The following RILPL2 variants were observed in gnomAD, a reference collection of about 807,000 sequenced individuals.
The protein encoded by RILPL2 is Rab interacting lysosomal protein like 2.
Under a neutral mutation model 22.2 loss-of-function variants are expected in RILPL2, and 19 were observed. That is an observed-to-expected ratio of 0.86 (90% confidence interval 0.60 to 1.25). The LOEUF is 1.25. RILPL2 is among the 50% of genes most tolerant of loss of function. RILPL2 has a pLI of 0.00. For missense variants in RILPL2, 243 were observed against 263.6 expected (o/e 0.92, Z 0.54); for synonymous variants, 123 against 111.6 (o/e 1.10, Z -0.64).
intron 3 of RILPL2, among the ~76,000 whole-genome samples, chr12:123,420,148 C>T (rs970222814): frequency 6.6e-6 from 1 of 151,856 alleles, no homozygotes; most frequent in African/African-American, 2.4e-5. Context: ...CCTCAGCCTC[C>T]TGAGTAGCTG....
At position 123,436,593 on chromosome 12, in the gene RILPL2, G is replaced by C; in HGVS notation, c.-173C>G. ...CAAGGGGCCGCGCACGCGACTCTTG[G>C]GCCTGCGCCCCGGCGCACCGTCCCC... On this transcript the variant is annotated 5_prime_UTR_variant, in exon 1 of 4. Coordinates refer to ENST00000280571, the MANE Select transcript of RILPL2 (RefSeq NM_145058.3). This position sits in a 1 kb window ranked among gnomAD's most constrained non-coding sequence, Gnocchi z 6.7. 9.2e-7 allele frequency: 1 copy of C among 1,084,776 alleles called. No individual in the cohort carries two copies. The highest frequency in any genetic ancestry group is 1.3e-6 in the Non-Finnish European group (1 of 781,650). 67.2% of individuals were successfully genotyped at this position (1,084,776 alleles called of 1,614,324 possible).
chr12:123,422,177 A>T (rs1390624744), intron 3 of RILPL2, among the ~76,000 whole-genome samples: 1 of 151,518 alleles, frequency 6.6e-6, no homozygotes, highest in Admixed American at 6.6e-5. Context: ...ACGCCCAGCT[A>T]ATTTCACTTG....
At chr12:123,417,919 A>G (rs954647788) in intron 3 of RILPL2, among the ~76,000 whole-genome samples, 4 of 150,238 alleles carry the variant, frequency 2.7e-5, no homozygotes, top group Admixed American at 6.7e-5. Flanking sequence ...AAGCTCTTAC[A>G]CTTACTGTCC....
At chr12:123,420,033 T>C (rs959897072) in intron 3 of RILPL2, among the ~76,000 whole-genome samples, 1 of 145,110 alleles carries the variant, frequency 6.9e-6, no homozygotes, top group Non-Finnish European at 1.5e-5. Context: ...TTTTTTTTTT[T>C]TTTTTTTTTG....
intron 3 of RILPL2, among the ~76,000 whole-genome samples, chr12:123,418,875 C>T (rs1266752934): frequency 4.0e-5 from 6 of 150,320 alleles, no homozygotes; most frequent in Non-Finnish European, 7.4e-5. Flanking sequence ...ATTCTCTTGC[C>T]TCAGCCTCTT....
At chr12:123,432,863 T>C in intron 1 of RILPL2, among the ~76,000 whole-genome samples, 1 of 152,176 alleles carries the variant, frequency 6.6e-6, no homozygotes, top group African/African-American at 2.4e-5. Context: ...CACTTAACCA[T>C]GTCACTTGAC....
At chr12:123,426,587 T>TG (rs1398445903) in intron 2 of RILPL2, among the ~76,000 whole-genome samples, 1 of 152,154 alleles carries the variant, frequency 6.6e-6, no homozygotes, top group Non-Finnish European at 1.5e-5. Flanking sequence ...TCTCCAATGA[T>TG]GACTCTTTCT....
At position 123,415,572 on chromosome 12, in the gene RILPL2, A is replaced by T; in HGVS notation, c.*319T>A. On this transcript the variant is annotated 3_prime_UTR_variant, in exon 4 of 4. Transcript: ENST00000280571. ...GGGTCATCCGTGGGAGCAGATGAGT[A>T]GGACACGCGTCTGCACGCTGGAGGC... 2.5e-6 allele frequency: 1 copy of T among 394,998 alleles called. No individual in the cohort carries two copies. Among genetic ancestry groups the T allele is most frequent in the East Asian group, 4.3e-5 (1 of 23,436 alleles). 24.5% of individuals were successfully genotyped at this position (394,998 alleles called of 1,614,324 possible). A position where few individuals can be genotyped will look rare whatever the true frequency, so the allele number is the denominator to read the frequency against.
At chr12:123,420,974 G>A (rs1879266651) in intron 3 of RILPL2, among the ~76,000 whole-genome samples, 1 of 151,958 alleles carries the variant, frequency 6.6e-6, no homozygotes, top group African/African-American at 2.4e-5. Flanking sequence ...CAGATCTCCT[G>A]AGTAGATGTT....
In RILPL2 at chr12:123,415,938, G is replaced by C. The variant is rs904857939; in HGVS notation, c.606-17C>G. On this transcript the variant is annotated splice_polypyrimidine_tract_variant and intron_variant, in intron 3 of 3. Transcript: ENST00000280571. ...AAAAAGAACCTGGTGTGGAGAGAGA[G>C]AGGGTTCAGGGTAAGCAGAAGGAAC... The C allele has an allele frequency of 1.2e-6, 2 of 1,613,966 alleles. No individual in the cohort carries two copies. Among genetic ancestry groups the C allele is most frequent in the South Asian group, 1.1e-5 (1 of 91,088 alleles).
rs542489077 is a variant in RILPL2 at position 123,423,288 on chromosome 12, G to C, written c.492-131C>G. The C allele has an allele frequency of 8.5e-5, 48 of 562,992 alleles. No homozygotes were observed. In the African/African-American group the frequency reaches 9.4e-4, roughly 11 times the overall value. The allele number at this position is 562,992 out of a possible 1,614,324, so 34.9% of individuals were successfully genotyped here. ...GCCATCTCAGCTCACTGCAACCTCC[G>C]CCTCCCGGGTTCAAGTGATTCTCCT... On this transcript the variant is annotated intron_variant, in intron 2 of 3. Coordinates refer to ENST00000280571, the MANE Select transcript of RILPL2 (RefSeq NM_145058.3).
chr12:123,427,828 A>C lies in RILPL2; in HGVS notation c.491+2680T>G, dbSNP rs139945676. On this transcript the variant is annotated intron_variant, in intron 2 of 3. Coordinates refer to ENST00000280571, the MANE Select transcript of RILPL2 (RefSeq NM_145058.3). ...CCAAAGTGCTGGGATTACAGGTGTG[A>C]GCCACCTCAACCAGCTGTAATCAAT... Among the ~76,000 whole-genome samples the C allele has an allele frequency of 4.2e-3, 645 of 152,234 alleles. 4 individuals carry two copies. The highest frequency in any genetic ancestry group is 7.1e-3 in the Non-Finnish European group (482 of 68,016).
Position 123,415,687 on chromosome 12 carries a change from C to A in RILPL2, c.*204G>T. ...TGATTTCAGTCTCACTGGCCCAGGC[C>A]AAATCTTCAAGGGTGTCTAGTTCTG... On this transcript the variant is annotated 3_prime_UTR_variant, in exon 4 of 4. Transcript: ENST00000280571. 2.9e-6 allele frequency: 2 copies of A among 683,356 alleles called. No homozygotes were observed. Among genetic ancestry groups the A allele is most frequent in the Non-Finnish European group, 5.3e-6 (2 of 379,360 alleles). 42.3% of individuals were successfully genotyped at this position (683,356 alleles called of 1,614,324 possible). A position where few individuals can be genotyped will look rare whatever the true frequency, so the allele number is the denominator to read the frequency against.
chr12:123,411,300 A>G (rs1322763302), downstream of RILPL2: 1 of 151,834 alleles, frequency 6.6e-6, no homozygotes, highest in Non-Finnish European at 1.5e-5. Context: ...AAGTGCTAGG[A>G]TTACAGATGT....
Position 123,423,176 on chromosome 12 carries a change from A to T in RILPL2, c.492-19T>A. The T allele has an allele frequency of 2.1e-6, 3 of 1,458,114 alleles. No homozygotes were observed. The highest frequency in any genetic ancestry group is 2.8e-6 in the Non-Finnish European group (3 of 1,053,882). 90.3% of individuals were successfully genotyped at this position (1,458,114 alleles called of 1,614,324 possible). On this transcript the variant is annotated intron_variant, in intron 2 of 3. Transcript: ENST00000280571. ...CAGGCCACTGGGAAACGGGACAAAA[A>T]ATAAATGGATTATTTTATTACAGAT...
intron 2 of RILPL2, among the ~76,000 whole-genome samples, chr12:123,426,419 T>C (rs1336410092): frequency 1.3e-5 from 2 of 152,062 alleles, no homozygotes; most frequent in African/African-American, 2.4e-5. Flanking sequence ...TCCCAAAGTG[T>C]TGGGATTACA....
At chr12:123,433,047 T>C (rs1185246734) in intron 1 of RILPL2, among the ~76,000 whole-genome samples, 2 of 151,842 alleles carry the variant, frequency 1.3e-5, no homozygotes, top group African/African-American at 4.8e-5. Flanking sequence ...CATACTTCCA[T>C]GTGAATTTCA....
chr12:123,416,335 A>C (rs1002556155), intron 3 of RILPL2, among the ~76,000 whole-genome samples: 3 of 148,726 alleles, frequency 2.0e-5, no homozygotes, highest in South Asian at 2.1e-4. Context: ...AAAGAAAAAG[A>C]AAAAGCAAAA....
chr12:123,432,692 A>G (rs1879685402), intron 1 of RILPL2, among the ~76,000 whole-genome samples: 1 of 152,160 alleles, frequency 6.6e-6, no homozygotes, highest in Non-Finnish European at 1.5e-5. Context: ...GAAACTACCC[A>G]GCCCCTGTGC....
Sources: allele counts gnomAD v4.1 joint callset (sites outside exome capture counted in the v4.1 genomes callset), GRCh38; gene constraint gnomAD v4.1.1; non-coding constraint Gnocchi (gnomAD v3.1); transcripts MANE v1.5; gene names NCBI Gene and HGNC (gene_info 2026-07-23, HGNC 2026-07-21).